GLP1R: variants seen among roughly 807,000 people sequenced by gnomAD.
The protein encoded by GLP1R is glucagon like peptide 1 receptor, also known as glucagon-like peptide 1 receptor.
In GLP1R, 32 loss-of-function variants were observed where a neutral mutation model predicts 68.4. That is an observed-to-expected ratio of 0.47 (90% CI 0.35 to 0.63). The LOEUF is 0.63. GLP1R is among the 20% of genes least tolerant of loss of function. The pLI is 0.00. For synonymous variants in GLP1R, 263 were observed against 244.4 expected, an observed-to-expected ratio of 1.08 and a Z score of -0.71; for missense variants, 502 against 594.9, an observed-to-expected ratio of 0.84 and a Z score of 1.62.
intron 1 of GLP1R, among the ~76,000 whole-genome samples, chr6:39,053,680 C>A (rs1583613331): frequency 6.6e-6 from 1 of 152,186 alleles, no homozygotes; most frequent in East Asian, 1.9e-4. Context: ...GTAAGCTGAG[C>A]CTAAAACATA....
At position 39,061,745 on chromosome 6, in the gene GLP1R, C is replaced by G. The variant is rs554982121; in HGVS notation, c.284-3966C>G. The stretch of plus-strand genomic sequence containing the variant: ...GGAAGTCATTATGCTTCCCATTTTA[C>G]AGATAAGGAAACTGAGGCCTGAGGA... On this transcript the variant is annotated intron_variant, in intron 3 of 12. Transcript: ENST00000373256. Among the ~76,000 whole-genome samples, 11 of 152,338 alleles carry G rather than the reference C, an allele frequency of 7.2e-5. No homozygotes were observed. The East Asian group carries it at 2.1e-3, about 29-fold the overall frequency.
intron 3 of GLP1R, among the ~76,000 whole-genome samples, chr6:39,063,954 CA>C (rs1768427083): frequency 3.9e-5 from 5 of 129,492 alleles, no homozygotes; most frequent in African/African-American, 1.6e-4. Context: ...CACACACACA[CA>C]CACACACCCC....
At chr6:39,082,481 T>C (rs573564909) in intron 12 of GLP1R, among the ~76,000 whole-genome samples, 61 of 152,200 alleles carry the variant, frequency 4.0e-4, no homozygotes, top group African/African-American at 1.3e-3. Flanking sequence ...ATAAATGGGA[T>C]TCTGGCTGCT....
In GLP1R at chr6:39,065,838, A is replaced by C. The variant is rs1338115473; in HGVS notation, c.402+9A>C. 1.3e-6 allele frequency: 2 copies of C among 1,537,348 alleles called. No individual in the cohort carries two copies. Among genetic ancestry groups the C allele is most frequent in the South Asian group, 2.3e-5 (2 of 88,196 alleles). On this transcript the variant is annotated intron_variant, in intron 4 of 12. Coordinates refer to ENST00000373256, the MANE Select transcript of GLP1R (RefSeq NM_002062.5). ...CCAAGCGAGGGGAAAGAGTGAGTTGAGGCGGGGTTCTGAGCCAGGGAGCGG... is the reference window on the plus strand; with the variant it reads ...CCAAGCGAGGGGAAAGAGTGAGTTGCGGCGGGGTTCTGAGCCAGGGAGCGG...
At chr6:39,081,404 G>C (rs1769009507) in intron 12 of GLP1R, among the ~76,000 whole-genome samples, 1 of 152,202 alleles carries the variant, frequency 6.6e-6, no homozygotes, top group Non-Finnish European at 1.5e-5. Context: ...GAAGGGGGTG[G>C]CTTTCTGGTG....
At chr6:39,065,660 C>A in intron 3 of GLP1R, 51 bp from the exon 4 acceptor site, 2 of 1,183,048 alleles carry the variant, frequency 1.7e-6, no homozygotes, top group African/African-American at 1.5e-5. Context: ...TAGCACTGGG[C>A]AGGCTGCCCT....
chr6:39,053,000 C>T (rs1420425977), intron 1 of GLP1R, among the ~76,000 whole-genome samples: 1 of 152,126 alleles, frequency 6.6e-6, no homozygotes, highest in Non-Finnish European at 1.5e-5. Flanking sequence ...GAGGGATGCC[C>T]CTTCCTTCTT....
intron 5 of GLP1R, among the ~76,000 whole-genome samples, chr6:39,072,598 G>A (rs1380984879): frequency 6.6e-6 from 1 of 152,232 alleles, no homozygotes; most frequent in African/African-American, 2.4e-5. Flanking sequence ...TTGTGTCAAA[G>A]AAGATGCTGC....
chr6:39,080,775 G>A (rs758692161), intron 12 of GLP1R, 36 bp downstream of exon 12: 2 of 1,447,840 alleles, frequency 1.4e-6, no homozygotes, highest in East Asian at 2.5e-5. Flanking sequence ...GACCCTGGTG[G>A]GTGGGTACCA....
intron 12 of GLP1R, among the ~76,000 whole-genome samples, chr6:39,083,608 G>A (rs1449058700): frequency 2.0e-5 from 3 of 152,098 alleles, no homozygotes; most frequent in African/African-American, 7.2e-5. Context: ...TGCCACTGCC[G>A]AGCTGTGTGA....
intron 1 of GLP1R, among the ~76,000 whole-genome samples, chr6:39,050,023 C>T (rs1768048036): frequency 6.6e-6 from 1 of 152,208 alleles, no homozygotes; most frequent in Admixed American, 6.5e-5. Flanking sequence ...GCAGACTCCA[C>T]CTCGGCGGAA....
At chr6:39,085,448 G>A (rs983975665) in intron 12 of GLP1R, among the ~76,000 whole-genome samples, 1 of 152,158 alleles carries the variant, frequency 6.6e-6, no homozygotes, top group African/African-American at 2.4e-5. Flanking sequence ...AGCCCTCAGG[G>A]AGTTTAGAAG....
chr6:39,078,910 C>A, intron 8 of GLP1R, 47 bp from the exon 9 acceptor site: 1 of 1,513,618 alleles, frequency 6.6e-7, no homozygotes, highest in Non-Finnish European at 9.2e-7. Flanking sequence ...AGCTGGGGGT[C>A]CTGTGAGTCC....
chr6:39,085,726 T>A (rs527993586), intron 12 of GLP1R, among the ~76,000 whole-genome samples, 180 bp from the exon 13 acceptor site: 60 of 152,276 alleles, frequency 3.9e-4, no homozygotes, highest in African/African-American at 1.4e-3. Context: ...CTGCAGAAAA[T>A]AGGAGACAAC....
At chr6:39,067,207 T>C (rs1237655088) in intron 5 of GLP1R, among the ~76,000 whole-genome samples, 1 of 152,202 alleles carries the variant, frequency 6.6e-6, no homozygotes, top group African/African-American at 2.4e-5. Context: ...TTCCTTGTAC[T>C]TTTACCACAT....
chr6:39,077,494 C>T (rs2150834962), intron 7 of GLP1R, among the ~76,000 whole-genome samples: 1 of 152,328 alleles, frequency 6.6e-6, no homozygotes, highest in South Asian at 2.1e-4. Flanking sequence ...CAACTGGTTT[C>T]CCCCAGAGCA....
intron 7 of GLP1R, among the ~76,000 whole-genome samples, chr6:39,075,346 C>T (rs960485729): frequency 2.0e-5 from 3 of 152,062 alleles, no homozygotes; most frequent in South Asian, 4.2e-4. Context: ...GGGTGGGGGA[C>T]GGTGTCTGTC....
intron 11 of GLP1R, among the ~76,000 whole-genome samples, chr6:39,080,326 T>C (rs891647445): frequency 6.6e-6 from 1 of 152,124 alleles, no homozygotes; most frequent in African/African-American, 2.4e-5. Context: ...GAGTGGGGAA[T>C]ATTCTCCATG....
intron 3 of GLP1R, among the ~76,000 whole-genome samples, chr6:39,065,239 A>G (rs905404389): frequency 4.6e-5 from 7 of 152,210 alleles, no homozygotes; most frequent in African/African-American, 1.4e-4. Context: ...TGCTCTCCCC[A>G]AGGAGTGTGG....
Sources: gnomAD v4.1 joint callset for allele counts (sites outside exome capture counted in the v4.1 genomes callset) on GRCh38, gnomAD v4.1.1 for gene constraint, MANE v1.5 for transcripts, NCBI Gene and HGNC (gene_info 2026-07-23, HGNC 2026-07-21) for gene names.